The following SOS1 variants were observed in gnomAD, a reference collection of about 807,000 sequenced individuals.
SOS1 encodes the protein SOS Ras/Rac guanine nucleotide exchange factor 1, also known as son of sevenless homolog 1.
SOS1 carries 25 observed loss-of-function variants against 157.6 expected under a neutral mutation model. The observed-to-expected ratio is 0.16, with a 90% CI of 0.12 to 0.22. The LOEUF (loss-of-function observed/expected upper bound fraction) is 0.22. Ranked by LOEUF, SOS1 falls within the 10% of genes least tolerant of loss-of-function variation. The pLI is 1.00. For synonymous variants in SOS1, 528 were observed against 534.0 expected (o/e 0.99, Z 0.16); for missense variants, 1,237 against 1,599.1 (o/e 0.77, Z 3.86).
At position 38,985,604 on chromosome 2, in the gene SOS1, C is replaced by T. The variant is rs537593672; in HGVS notation, c.*220G>A. The T allele has an allele frequency of 3.7e-5, 20 of 542,478 alleles. No individual in the cohort carries two copies. Among genetic ancestry groups the T allele is most frequent in the Non-Finnish European group, 6.5e-5 (20 of 306,434 alleles). The allele number at this position is 542,478 out of a possible 1,614,324, so 33.6% of individuals were successfully genotyped here. A position where few individuals can be genotyped will look rare whatever the true frequency, so the allele number is the denominator to read the frequency against. On this transcript the variant is annotated 3_prime_UTR_variant, in exon 23 of 23. Coordinates refer to ENST00000402219, the MANE Select transcript of SOS1 (RefSeq NM_005633.4). ...TGATTTTCAGGTGCAATCAGTTGTC[C>T]AATTCCTCTAGGTCGGTCTTTCCAT...
intron 1 of SOS1, among the ~76,000 whole-genome samples, chr2:39,111,683 T>C (rs1012298132): frequency 1.9e-4 from 29 of 152,040 alleles, no homozygotes; most frequent in Non-Finnish European, 7.4e-5. Flanking sequence ...ACATCAACTT[T>C]AGAGCTCCTA....
chr2:39,026,987 T>A (rs1354792102), intron 8 of SOS1, among the ~76,000 whole-genome samples: 25 of 152,188 alleles, frequency 1.6e-4, no homozygotes. Context: ...CACTGAACGA[T>A]GAATTAGTTC....
intron 6 of SOS1, among the ~76,000 whole-genome samples, chr2:39,044,864 G>GCGCGCACACACACACACACA (rs147443441): frequency 6.8e-6 from 1 of 147,660 alleles, no homozygotes; most frequent in Middle Eastern, 3.2e-3. Flanking sequence ...GCGCGCGCGC[G>GCGCGCACACACACACACACA]CACACACACA....
intron 10 of SOS1, among the ~76,000 whole-genome samples, chr2:39,016,353 A>T (rs573813040): frequency 5.3e-5 from 8 of 152,240 alleles, no homozygotes; most frequent in African/African-American, 1.7e-4. Flanking sequence ...TTAAATACAT[A>T]TAATCCTTTA....
intron 1 of SOS1, among the ~76,000 whole-genome samples, chr2:39,106,862 T>C (rs13425165): frequency 0.082 from 12,509 of 152,146 alleles, 1,828 homozygotes; most frequent in African/African-American, 0.29. Context: ...CCTCAAGTAC[T>C]CCTGGTTCAC....
At chr2:39,110,041 T>C (rs113930837) in intron 1 of SOS1, among the ~76,000 whole-genome samples, 11,964 of 112,890 alleles carry the variant, frequency 0.11, 540 homozygotes, top group East Asian at 0.21. Context: ...TGTGTGTGCG[T>C]GTGTGTGTGT....
intron 1 of SOS1, among the ~76,000 whole-genome samples, chr2:39,108,523 A>G (rs1393631064): frequency 6.6e-6 from 1 of 152,106 alleles, no homozygotes; most frequent in Non-Finnish European, 1.5e-5. Flanking sequence ...CTAATCCTTA[A>G]CTGGCTAACT....
chr2:39,110,039 C>CGTGTGCGT (rs1553371512), intron 1 of SOS1, among the ~76,000 whole-genome samples: 2 of 135,420 alleles, frequency 1.5e-5, no homozygotes, highest in East Asian at 2.1e-4. Context: ...TGTGTGTGTG[C>CGTGTGCGT]GTGTGTGTGT....
chr2:39,002,658 G>T (rs1669142465), intron 17 of SOS1, among the ~76,000 whole-genome samples: 1 of 152,194 alleles, frequency 6.6e-6, no homozygotes. Context: ...GATATATCCA[G>T]AGCCTTTCCA....
rs188387581 is a variant in SOS1, at chr2:39,042,230, T to C, written c.865-6730A>G. On this transcript the variant is annotated intron_variant, in intron 6 of 22. Transcript: ENST00000402219. Reference sequence around the variant, plus strand: ...ACTTGTTCTTCCTCAAAATTGTTATTTTTGCTCCTCATTCTTACCATGTGA... The same window carrying C: ...ACTTGTTCTTCCTCAAAATTGTTATCTTTGCTCCTCATTCTTACCATGTGA... 1.3e-3 allele frequency among the ~76,000 whole-genome samples: 192 copies of C among 152,198 alleles called. 1 individual carries two copies. Among genetic ancestry groups the C allele is most frequent in the African/African-American group, 4.3e-3 (177 of 41,534 alleles).
chr2:38,993,834 G>C (rs4670903), intron 20 of SOS1: 1 of 152,154 alleles, frequency 6.6e-6, no homozygotes, highest in Non-Finnish European at 1.5e-5. Context: ...TTAGCACATC[G>C]AGCTAAGATA....
At chr2:39,073,220 T>C (rs1671847694) in intron 1 of SOS1, among the ~76,000 whole-genome samples, 1 of 152,216 alleles carries the variant, frequency 6.6e-6, no homozygotes, top group Admixed American at 6.5e-5. Flanking sequence ...CATGTACAGC[T>C]GATTCAGAGT....
intron 3 of SOS1, among the ~76,000 whole-genome samples, chr2:39,058,215 T>G (rs1671281881): frequency 6.6e-6 from 1 of 152,074 alleles, no homozygotes; most frequent in Non-Finnish European, 1.5e-5. Context: ...CTGACTGACT[T>G]ATTTACATGA....
intron 6 of SOS1, among the ~76,000 whole-genome samples, chr2:39,044,649 A>G (rs1478012341): frequency 1.3e-5 from 2 of 152,098 alleles, no homozygotes; most frequent in Non-Finnish European, 2.9e-5. Context: ...TTTCAACCAA[A>G]TGAGGATCAA....
intron 17 of SOS1, 30 bp downstream of exon 17, chr2:39,006,382 T>C (rs1401263045): frequency 1.0e-6 from 1 of 1,001,176 alleles, no homozygotes; most frequent in South Asian, 1.3e-5. Context: ...TATCCAGAAA[T>C]GCAATAAAAA....
intron 17 of SOS1, among the ~76,000 whole-genome samples, chr2:39,005,199 GTC>G (rs1669246053): frequency 6.6e-6 from 1 of 152,120 alleles, no homozygotes; most frequent in African/African-American, 2.4e-5. Flanking sequence ...CATGAATGTG[GTC>G]TTTCTCTCCC....
intron 6 of SOS1, among the ~76,000 whole-genome samples, chr2:39,036,473 C>T (rs1670351744): frequency 6.6e-6 from 1 of 152,282 alleles, no homozygotes; most frequent in East Asian, 1.9e-4. Context: ...ACCTCAGTCT[C>T]CTGAGTATCT....
At chr2:39,042,143 G>T (rs1350388712) in intron 6 of SOS1, among the ~76,000 whole-genome samples, 1 of 152,142 alleles carries the variant, frequency 6.6e-6, no homozygotes, top group Non-Finnish European at 1.5e-5. Context: ...TATGTGGCAA[G>T]ACTTTATCTA....
intron 1 of SOS1, among the ~76,000 whole-genome samples, chr2:39,108,225 A>T (rs1388085058): frequency 1.3e-5 from 2 of 152,076 alleles, no homozygotes; most frequent in Non-Finnish European, 1.5e-5. Flanking sequence ...GCCACCTATC[A>T]TCCCTTCCAT....
Sources: gnomAD v4.1 joint callset for allele counts (sites outside exome capture counted in the v4.1 genomes callset) on GRCh38, gnomAD v4.1.1 for gene constraint, MANE v1.5 for transcripts, NCBI Gene and HGNC (gene_info 2026-07-23, HGNC 2026-07-21) for gene names.